Variants in ARHGAP15 observed in about 807,000 individuals in gnomAD.
ARHGAP15 encodes rho GTPase-activating protein 15.
A neutral mutation model predicts 63.7 loss-of-function variants in ARHGAP15; 51 were observed. That is an observed-to-expected ratio of 0.80 (90% confidence interval 0.64 to 1.01). The LOEUF is 1.01. ARHGAP15 is among the 50% of genes least tolerant of loss of function. ARHGAP15 has a pLI of 0.00. For missense variants in ARHGAP15, 560 were observed against 564.6 expected, an observed-to-expected ratio of 0.99 and a Z score of 0.08; for synonymous variants, 191 against 193.8, an observed-to-expected ratio of 0.99 and a Z score of 0.12.
At chr2:143,514,717 G>C (rs1213659144) in intron 9 of ARHGAP15, among the ~76,000 whole-genome samples, 1 of 152,150 alleles carries the variant, frequency 6.6e-6, no homozygotes, top group African/African-American at 2.4e-5. Context: ...TCTGCTTTAA[G>C]CTGCAGGTCT....
chr2:143,722,434 G>T (rs1169070218), intron 13 of ARHGAP15, among the ~76,000 whole-genome samples: 1 of 151,970 alleles, frequency 6.6e-6, no homozygotes, highest in Admixed American at 6.6e-5. Context: ...AGCTGGCAGG[G>T]CAAAGTACAT....
intron 6 of ARHGAP15, among the ~76,000 whole-genome samples, chr2:143,387,484 T>C (rs1687335451): frequency 6.6e-6 from 1 of 152,154 alleles, no homozygotes; most frequent in East Asian, 1.9e-4. Flanking sequence ...TGAGCACCCA[T>C]TGTGAGCCAG....
At chr2:143,421,352 A>G (rs1270115868) in intron 6 of ARHGAP15, among the ~76,000 whole-genome samples, 1 of 152,136 alleles carries the variant, frequency 6.6e-6, no homozygotes, top group African/African-American at 2.4e-5. Flanking sequence ...TAAATATCCA[A>G]CTGTTAAATT....
chr2:143,496,231 T>C (rs1312260786), intron 9 of ARHGAP15, among the ~76,000 whole-genome samples: 2 of 152,088 alleles, frequency 1.3e-5, no homozygotes, highest in Non-Finnish European at 2.9e-5. Flanking sequence ...AATAATAAGA[T>C]ACAGGACACC....
In ARHGAP15 at chr2:143,288,915, A is replaced by G. The variant is rs558334927; in HGVS notation, c.474+38315A>G. Among the ~76,000 whole-genome samples the G allele has an allele frequency of 2.0e-5, 3 of 152,198 alleles. No homozygotes were observed. The South Asian group carries it at 6.2e-4, about 32-fold the overall frequency. ...GAACATAAGCCTTTGTTGTTGAATC[A>G]GGGACCTTCTAGATGCAAGGCACAG... On this transcript the variant is annotated intron_variant, in intron 6 of 13. Coordinates refer to ENST00000295095, the MANE Select transcript of ARHGAP15 (RefSeq NM_018460.4).
At chr2:143,498,246 C>T (rs139306439) in intron 9 of ARHGAP15, among the ~76,000 whole-genome samples, 248 of 152,238 alleles carry the variant, frequency 1.6e-3, no homozygotes, top group African/African-American at 5.9e-3. Context: ...CTTACCCCAC[C>T]TGATTAGTGA....
intron 8 of ARHGAP15, among the ~76,000 whole-genome samples, chr2:143,475,230 TA>T (rs1217925536): frequency 6.6e-6 from 1 of 152,208 alleles, no homozygotes; most frequent in Non-Finnish European, 1.5e-5. Context: ...TTAGTGAGCA[TA>T]AGCTCCCTGC....
intron 9 of ARHGAP15, among the ~76,000 whole-genome samples, chr2:143,488,964 C>T (rs1216574456): frequency 6.6e-6 from 1 of 152,194 alleles, no homozygotes; most frequent in Non-Finnish European, 1.5e-5. Flanking sequence ...ACAGATTCAA[C>T]TTCACTAAGT....
chr2:143,743,170 G>A (rs1352803126), intron 13 of ARHGAP15, among the ~76,000 whole-genome samples: 1 of 152,152 alleles, frequency 6.6e-6, no homozygotes, highest in Non-Finnish European at 1.5e-5. Context: ...AGGTGAGCCG[G>A]GTTTAAACCT....
intron 6 of ARHGAP15, among the ~76,000 whole-genome samples, chr2:143,355,468 C>G (rs1037363372): frequency 3.9e-5 from 6 of 152,122 alleles, no homozygotes; most frequent in Admixed American, 6.6e-5. Flanking sequence ...AGACAGTATA[C>G]AGGTCATTAT....
At chr2:143,677,569 C>A (rs2105363538) in intron 12 of ARHGAP15, among the ~76,000 whole-genome samples, 1 of 152,238 alleles carries the variant, frequency 6.6e-6, no homozygotes, top group African/African-American at 2.4e-5. Flanking sequence ...ACCCATAGCA[C>A]CTATAACATT....
intron 9 of ARHGAP15, among the ~76,000 whole-genome samples, chr2:143,495,925 G>C (rs1454504169): frequency 6.6e-6 from 1 of 152,102 alleles, no homozygotes; most frequent in African/African-American, 2.4e-5. Flanking sequence ...TCATTGCTTG[G>C]GTCTGAAATA....
chr2:143,449,704 A>G (rs1690310970), intron 8 of ARHGAP15, among the ~76,000 whole-genome samples: 1 of 152,134 alleles, frequency 6.6e-6, no homozygotes, highest in Non-Finnish European at 1.5e-5. Flanking sequence ...CAAAAAATAG[A>G]GGAAAGATTC....
At chr2:143,644,689 G>A (rs1323054105) in intron 12 of ARHGAP15, among the ~76,000 whole-genome samples, 1 of 152,102 alleles carries the variant, frequency 6.6e-6, no homozygotes, top group Admixed American at 6.5e-5. Context: ...TGATCAGAAC[G>A]CAAGTTCGGC....
In ARHGAP15 at chr2:143,516,563, C is replaced by T. The variant is rs185098548; in HGVS notation, c.827-2703C>T. Among the ~76,000 whole-genome samples the T allele has an allele frequency of 4.2e-3, 644 of 152,200 alleles. 1 individual carries two copies. The highest frequency in any genetic ancestry group is 0.017 in the Middle Eastern group (5 of 294). On this transcript the variant is annotated intron_variant, in intron 9 of 13. Transcript: ENST00000295095. ...GCCCCCTATAATATTACAAACTTCT[C>T]GATATTGTTTTTACAACTCAATATG...
intron 1 of ARHGAP15, among the ~76,000 whole-genome samples, chr2:143,137,419 T>C (rs774003735): frequency 1.3e-5 from 2 of 152,072 alleles, no homozygotes; most frequent in Non-Finnish European, 2.9e-5. Context: ...TTTCCTGGTC[T>C]AAAATATAGG....
chr2:143,600,868 AT>A (rs1266977376), intron 11 of ARHGAP15, among the ~76,000 whole-genome samples: 2 of 152,186 alleles, frequency 1.3e-5, no homozygotes, highest in Admixed American at 6.6e-5. Context: ...ACAATCTAAT[AT>A]TTTTTAAAAG....
At chr2:143,565,866 G>T (rs1696198962) in intron 11 of ARHGAP15, among the ~76,000 whole-genome samples, 1 of 152,160 alleles carries the variant, frequency 6.6e-6, no homozygotes, top group Non-Finnish European at 1.5e-5. Context: ...TAACCCCCAG[G>T]CCCTGAATTT....
At chr2:143,735,250 G>A (rs919855308) in intron 13 of ARHGAP15, among the ~76,000 whole-genome samples, 3 of 152,130 alleles carry the variant, frequency 2.0e-5, no homozygotes, top group Non-Finnish European at 4.4e-5. Context: ...TCTAAGAAAT[G>A]CTAAGTTTAG....
Sources: gnomAD v4.1 joint callset for allele counts (sites outside exome capture counted in the v4.1 genomes callset) on GRCh38, gnomAD v4.1.1 for gene constraint, MANE v1.5 for transcripts, NCBI Gene and HGNC (gene_info 2026-07-23, HGNC 2026-07-21) for gene names.